Variants in DNAH10 observed in about 807,000 individuals in gnomAD.
DNAH10 encodes the protein dynein axonemal heavy chain 10, also known as axonemal beta dynein heavy chain 10.
Under a neutral mutation model 506.6 loss-of-function variants are expected in DNAH10, and 348 were observed. The observed-to-expected ratio is 0.69, with a 90% CI of 0.63 to 0.75. DNAH10 has a LOEUF of 0.75. Among genes scored for constraint, DNAH10 ranks in the 30% least tolerant of loss-of-function variants. The pLI is 0.00. For synonymous variants in DNAH10, 2,059 were observed against 2,198.6 expected, an observed-to-expected ratio of 0.94 and a Z score of 1.78; for missense variants, 5,179 against 5,787.1, an observed-to-expected ratio of 0.89 and a Z score of 3.41.
intron 73 of DNAH10, 83 bp downstream of exon 73, chr12:123,930,656 G>T: frequency 1.3e-6 from 2 of 1,508,410 alleles, no homozygotes; most frequent in African/African-American, 1.4e-5. Context: ...CTCTCCTGGT[G>T]GGGGCTCCTC....
intron 65 of DNAH10, 39 bp downstream of exon 65, chr12:123,918,988 T>C (rs1954612466): frequency 1.3e-6 from 2 of 1,525,022 alleles, no homozygotes; most frequent in African/African-American, 2.7e-5. Context: ...TTAGTGTAGT[T>C]TGGTGTGCCA....
At chr12:123,835,299 C>A in intron 27 of DNAH10, 107 bp from the exon 28 acceptor site, 7 of 1,330,302 alleles carry the variant, frequency 5.3e-6, no homozygotes. Context: ...GAAGGTCCTC[C>A]CACCTGAGTT....
At chr12:123,780,833 C>T (rs541438826) in intron 5 of DNAH10, among the ~76,000 whole-genome samples, 1 of 150,248 alleles carries the variant, frequency 6.7e-6, no homozygotes, top group African/African-American at 2.4e-5. Flanking sequence ...CCTGTAATCC[C>T]AGCCACTTGG....
In DNAH10 at chr12:123,877,725, G is replaced by T. The variant is rs773347531; in HGVS notation, c.8200-11G>T. 5 of 1,605,398 alleles carry T rather than the reference G, an allele frequency of 3.1e-6. No individual in the cohort carries two copies. In the East Asian group the frequency reaches 6.7e-5, roughly 22 times the overall value. On this transcript the variant is annotated splice_polypyrimidine_tract_variant and intron_variant, in intron 47 of 78. Transcript: ENST00000673944. ...TTTGTGTGTTGGGGGGGGTGTCTTT[G>T]CATTTTTCAGACGTTTCATGAGAGC...
At chr12:123,780,999 A>T in intron 5 of DNAH10, 81 bp from the exon 6 acceptor site, 1 of 1,113,966 alleles carries the variant, frequency 9.0e-7, no homozygotes, top group Non-Finnish European at 1.3e-6. Flanking sequence ...AATAAAGAAT[A>T]TTCAAAACCA....
intron 24 of DNAH10, among the ~76,000 whole-genome samples, chr12:123,822,986 G>A: frequency 6.6e-6 from 1 of 152,212 alleles, no homozygotes; most frequent in Non-Finnish European, 1.5e-5. Flanking sequence ...TGACACACAG[G>A]ATTCACCTTT....
chr12:123,892,866 C>T (rs750335362), intron 52 of DNAH10, among the ~76,000 whole-genome samples: 2 of 152,174 alleles, frequency 1.3e-5, no homozygotes, highest in Admixed American at 6.5e-5. Flanking sequence ...ACCTCCCTTG[C>T]AACAAGCAGA....
chr12:123,844,746 C>G (rs1391679142), intron 30 of DNAH10, among the ~76,000 whole-genome samples: 1 of 152,096 alleles, frequency 6.6e-6, no homozygotes, highest in Admixed American at 6.5e-5. Context: ...TCAAGCAATC[C>G]TCCCACCTCA....
rs779922351 is a variant in DNAH10, at chr12:123,800,282, C to T, written c.2356C>T (p.Pro786Ser). The T allele has an allele frequency of 2.4e-5, 38 of 1,613,976 alleles. No homozygotes were observed. Among genetic ancestry groups the T allele is most frequent in the Non-Finnish European group, 3.1e-5 (36 of 1,180,022 alleles). ...AGCTGTTTTTGCAATCAACTTTTCA[C>T]CGGCTCTCAGAGAGATTATTAATGA... ...RGAVFAINFS[P>S]ALREIINETK... Residue 786 changes from proline to serine, a missense_variant, in exon 15 of 79, where the codon CCG becomes TCG. Transcript: ENST00000673944.
In DNAH10 at chr12:123,910,635, G is replaced by A; in HGVS notation, c.10097G>A (p.Cys3366Tyr). The change falls in exon 59 of 79, where the codon TGT (cysteine) becomes TAT (tyrosine). Residue 3366 changes from cysteine (C) to tyrosine (Y), a missense_variant. Physicochemically the swap from Cys to Tyr is radical, Grantham distance 194. Around this residue, in one of 3 missense-constraint regions of DNAH10, gnomAD observed 4,844 missense variants for 5,430.5 expected, o/e 0.89. Coordinates refer to ENST00000673944, the MANE Select transcript of DNAH10 (RefSeq NM_001372106.1). ...LKFVEAVMGY[C>Y]DVFREIKPKR... Reference sequence around the variant, plus strand: ...TTTGTTGAAGCTGTAATGGGCTACTGTGATGTTTTCAGAGAAATCAAGCCC... The same window carrying A: ...TTTGTTGAAGCTGTAATGGGCTACTATGATGTTTTCAGAGAAATCAAGCCC... The A allele has an allele frequency of 1.2e-6, 2 of 1,613,628 alleles. No homozygotes were observed. Among genetic ancestry groups the A allele is most frequent in the Admixed American group, 1.7e-5 (1 of 60,022 alleles).
At chr12:123,906,021 C>T (rs1447656788) in intron 57 of DNAH10, among the ~76,000 whole-genome samples, 1 of 148,674 alleles carries the variant, frequency 6.7e-6, no homozygotes. Flanking sequence ...GGGTTCACGC[C>T]ATTCTCCTGC....
rs762344435 is a variant in DNAH10, at chr12:123,845,703, G to C, written c.5464G>C (p.Glu1822Gln). The change falls in exon 31 of 79, where the codon GAG becomes CAG. Residue 1822 changes from glutamate (E) to glutamine (Q), a missense_variant. By Grantham distance (29) the Glu-to-Gln change is conservative. Coordinates refer to ENST00000673944, the MANE Select transcript of DNAH10 (RefSeq NM_001372106.1). ...CGTCTTCCACAAAGCGCAAAAAGGG[G>C]AGAAGCAGGCCATGAAGAACTATGG... ...EDVFHKAQKG[E>Q]KQAMKNYGRK... 1 of 1,613,956 alleles carries C rather than the reference G, an allele frequency of 6.2e-7. No homozygotes were observed. The highest frequency in any genetic ancestry group is 8.5e-7 in the Non-Finnish European group (1 of 1,179,902).
In DNAH10 at chr12:123,931,956, G is replaced by T. The variant is rs898949839; in HGVS notation, c.13144G>T (p.Val4382Phe). The T allele has an allele frequency of 8.1e-6, 13 of 1,613,950 alleles. No homozygotes were observed. The African/African-American group carries it at 1.6e-4, about 20-fold the overall frequency. Residue 4382 changes from valine (V) to phenylalanine (F), a missense_variant, in exon 76 of 79, where the codon GTT (valine) becomes TTT (phenylalanine). Around this residue, in one of 3 missense-constraint regions of DNAH10, gnomAD observed 4,844 missense variants for 5,430.5 expected, o/e 0.89. Transcript: ENST00000673944. ...TTCTAAATAGGCCTTGGCTGGAGAA[G>T]TTGGAATGAGCAATGAGTTAGATGA... ...AELQRALAGE[V>F]GMSNELDDVA... is the part of the protein sequence containing the mutation.
Position 123,800,283 on chromosome 12 carries a change from C to T in DNAH10, c.2357C>T (p.Pro786Leu), listed in dbSNP as rs749422073. The T allele has an allele frequency of 1.4e-5, 23 of 1,613,856 alleles. No individual in the cohort carries two copies. Among genetic ancestry groups the T allele is most frequent in the Middle Eastern group, 1.6e-4 (1 of 6,076 alleles). ...GCTGTTTTTGCAATCAACTTTTCAC[C>T]GGCTCTCAGAGAGATTATTAATGAA... The part of the protein sequence containing the change: ...RGAVFAINFS[P>L]ALREIINETK... Residue 786 changes from proline to leucine, a missense_variant, in exon 15 of 79, where the codon CCG becomes CTG. Physicochemically the swap from Pro to Leu is moderately conservative, Grantham distance 98 (BLOSUM62 -3). Transcript: ENST00000673944.
chr12:123,932,369 C>T (rs1955254836), intron 76 of DNAH10, among the ~76,000 whole-genome samples: 2 of 152,150 alleles, frequency 1.3e-5, no homozygotes, highest in South Asian at 4.1e-4. Context: ...CATATTAGTA[C>T]ACAGCTAGCT....
In DNAH10 at chr12:123,857,093, T is replaced by C; in HGVS notation, c.6476T>C (p.Leu2159Ser). The change falls in exon 37 of 79, where the codon TTG (leucine) becomes TCG (serine). Residue 2159 changes from leucine to serine, a missense_variant. By Grantham distance (145) the Leu-to-Ser change is moderately radical (BLOSUM62 -2). Around this residue, in one of 3 missense-constraint regions of DNAH10, gnomAD observed 4,844 missense variants for 5,430.5 expected, o/e 0.89. Coordinates refer to ENST00000673944, the MANE Select transcript of DNAH10 (RefSeq NM_001372106.1). ...ATGAGGGCCTTGCGAGACATGAACT[T>C]GCCCAAATTTGTGTTTGAAGATGTT... Reference protein sequence around the residue: ...VLMRALRDMNLPKFVFEDVPL... With the variant: ...VLMRALRDMNSPKFVFEDVPL... 6.2e-7 allele frequency: 1 copy of C among 1,613,186 alleles called. No individual in the cohort carries two copies. Among genetic ancestry groups the C allele is most frequent in the Non-Finnish European group, 8.5e-7 (1 of 1,179,590 alleles).
rs935163437 is a variant in DNAH10 at position 123,928,809 on chromosome 12, T to C, written c.12306+222T>C. On this transcript the variant is annotated intron_variant, in intron 70 of 78. Coordinates refer to ENST00000673944, the MANE Select transcript of DNAH10 (RefSeq NM_001372106.1). This position sits in a 1 kb window ranked among gnomAD's most constrained non-coding sequence, Gnocchi z 4.9. ...CTCCCAGGCCTATCTCTACCAATTC[T>C]GCATGTGTCCCTAACAATATCTACG... The C allele has an allele frequency of 3.4e-6, 2 of 580,188 alleles. No homozygotes were observed. Among genetic ancestry groups the C allele is most frequent in the Non-Finnish European group, 6.1e-6 (2 of 330,344 alleles). 35.9% of individuals were successfully genotyped at this position (580,188 alleles called of 1,614,324 possible).
intron 48 of DNAH10, among the ~76,000 whole-genome samples, chr12:123,878,803 G>GT (rs1315585000): frequency 6.6e-6 from 1 of 152,188 alleles, no homozygotes; most frequent in East Asian, 1.9e-4. Flanking sequence ...GGAGGCTGAG[G>GT]TGGGAGGATC....
chr12:123,762,639 C>T lies in DNAH10; in HGVS notation c.214+89C>T. 1 of 1,368,964 alleles carries T rather than the reference C, an allele frequency of 7.3e-7. No homozygotes were observed. The highest frequency in any genetic ancestry group is 9.8e-7 in the Non-Finnish European group (1 of 1,022,630). The allele number at this position is 1,368,964 out of a possible 1,614,324, so 84.8% of individuals were successfully genotyped here. A position where few individuals can be genotyped will look rare whatever the true frequency, so the allele number is the denominator to read the frequency against. On this transcript the variant is annotated intron_variant, in intron 1 of 78. Coordinates refer to ENST00000673944, the MANE Select transcript of DNAH10 (RefSeq NM_001372106.1). This position sits in a 1 kb window ranked among gnomAD's most constrained non-coding sequence, Gnocchi z 5.0. ...GGGCGCCGGGGCTGCTAGAGCCTGC[C>T]CATCGTCCGGCCCCGGCCTCAGGTG...
Sources: allele counts gnomAD v4.1 joint callset (sites outside exome capture counted in the v4.1 genomes callset), GRCh38; gene constraint gnomAD v4.1.1; regional missense constraint gnomAD v4.1.1; non-coding constraint Gnocchi (gnomAD v3.1); transcripts MANE v1.5; gene names NCBI Gene and HGNC (gene_info 2026-07-23, HGNC 2026-07-21).